ROBO2: variants seen among roughly 807,000 people sequenced by gnomAD.
ROBO2 encodes roundabout homolog 2.
A neutral mutation model predicts 160.8 loss-of-function variants in ROBO2; 53 were observed. That is an observed-to-expected ratio of 0.33 (90% CI 0.26 to 0.41). The LOEUF is 0.41. Among genes scored for constraint, ROBO2 ranks in the 10% least tolerant of loss-of-function variants. The pLI, the probability that ROBO2 is intolerant of heterozygous loss-of-function variation, is 1.00. For synonymous variants in ROBO2, 664 were observed against 611.7 expected (o/e 1.09, Z -1.26); for missense variants, 1,577 against 1,722.4 (o/e 0.92, Z 1.49).
intron 2 of ROBO2, among the ~76,000 whole-genome samples, chr3:76,264,195 C>T (rs1320031952): frequency 6.6e-6 from 1 of 152,062 alleles, no homozygotes; most frequent in Non-Finnish European, 1.5e-5. Flanking sequence ...ATGTAACAAA[C>T]CTTCACGTTC....
intron 2 of ROBO2, among the ~76,000 whole-genome samples, chr3:76,983,616 G>A (rs2060214824): frequency 1.3e-5 from 2 of 152,074 alleles, no homozygotes; most frequent in Admixed American, 1.3e-4. Context: ...CAAGAATACT[G>A]TTTGTTTGGT....
chr3:76,144,660 T>C (rs1284384373), intron 2 of ROBO2, among the ~76,000 whole-genome samples: 1 of 152,108 alleles, frequency 6.6e-6, no homozygotes, highest in Non-Finnish European at 1.5e-5. Context: ...TTTATTGTCA[T>C]ATTTGCAGTT....
intron 2 of ROBO2, among the ~76,000 whole-genome samples, chr3:76,657,985 T>A (rs959028631): frequency 6.7e-6 from 1 of 149,050 alleles, no homozygotes; most frequent in Non-Finnish European, 1.5e-5. Context: ...GAGGATCACT[T>A]GAGCCCAGGG....
At chr3:77,276,600 G>T (rs2059843500) in intron 2 of ROBO2, among the ~76,000 whole-genome samples, 1 of 152,086 alleles carries the variant, frequency 6.6e-6, no homozygotes, top group Admixed American at 6.6e-5. Flanking sequence ...ATTATTCAAA[G>T]GCATAGCCAG....
intron 2 of ROBO2, among the ~76,000 whole-genome samples, chr3:77,314,232 G>A (rs1457559561): frequency 6.6e-6 from 1 of 152,112 alleles, no homozygotes. Flanking sequence ...CAAACATTCG[G>A]CAAGCACCAA....
intron 2 of ROBO2, among the ~76,000 whole-genome samples, chr3:76,720,030 T>C (rs1294270019): frequency 6.6e-6 from 1 of 152,200 alleles, no homozygotes; most frequent in African/African-American, 2.4e-5. Context: ...CCAAATATTC[T>C]TATGTTGAAA....
intron 2 of ROBO2, among the ~76,000 whole-genome samples, chr3:76,444,351 G>C (rs912572311): frequency 6.6e-6 from 1 of 152,070 alleles, no homozygotes; most frequent in Non-Finnish European, 1.5e-5. Flanking sequence ...GTAATCACAA[G>C]ATGTAAAGTA....
chr3:76,013,068 A>G (rs1250616036), intron 2 of ROBO2, among the ~76,000 whole-genome samples: 75 of 137,386 alleles, frequency 5.5e-4, no homozygotes, highest in South Asian at 7.3e-4. Flanking sequence ...TAATCCCAGA[A>G]GCAATATGCA....
chr3:77,509,202 G>T (rs1034310754), intron 5 of ROBO2, among the ~76,000 whole-genome samples: 6 of 151,566 alleles, frequency 4.0e-5, no homozygotes, highest in African/African-American at 1.5e-4. Flanking sequence ...GATGAAGGTT[G>T]CAAGGGAGAA....
At chr3:77,113,865 A>G (rs1362022885) in intron 2 of ROBO2, among the ~76,000 whole-genome samples, 1 of 152,218 alleles carries the variant, frequency 6.6e-6, no homozygotes, top group Non-Finnish European at 1.5e-5. Context: ...CAACCTTTAG[A>G]TGAATCAGGT....
intron 1 of ROBO2, among the ~76,000 whole-genome samples, chr3:77,043,478 T>C (rs2064302961): frequency 6.6e-6 from 1 of 152,178 alleles, no homozygotes; most frequent in Admixed American, 6.6e-5. Context: ...TTATTTATAA[T>C]TTTTCAGTAT....
chr3:77,508,282 T>G (rs1211942775), intron 5 of ROBO2, among the ~76,000 whole-genome samples: 2 of 148,668 alleles, frequency 1.3e-5, no homozygotes, highest in African/African-American at 4.9e-5. Context: ...TGTATTTATA[T>G]AGTATATATA....
At chr3:76,874,439 T>C (rs1380862337) in intron 2 of ROBO2, among the ~76,000 whole-genome samples, 1 of 152,184 alleles carries the variant, frequency 6.6e-6, no homozygotes, top group Non-Finnish European at 1.5e-5. Context: ...CTTTTTAAAC[T>C]ACATAAGAAA....
At chr3:75,982,783 A>G (rs1235583329) in intron 2 of ROBO2, among the ~76,000 whole-genome samples, 2 of 151,380 alleles carry the variant, frequency 1.3e-5, no homozygotes, top group African/African-American at 4.8e-5. Context: ...CAACCTTGCC[A>G]GCAAATCCAA....
chr3:76,240,923 G>T lies in ROBO2; in HGVS notation c.109+303321G>T, dbSNP rs144890007. On this transcript the variant is annotated intron_variant, in intron 2 of 26. Transcript: ENST00000487694. Reference sequence around the variant, plus strand: ...AAGGTACTTCCTCTACATAAAGCAAGAAAATATAGTTTAACATGTAGTAAT... The same window carrying T: ...AAGGTACTTCCTCTACATAAAGCAATAAAATATAGTTTAACATGTAGTAAT... Among the ~76,000 whole-genome samples, 23 of 152,194 alleles carry T rather than the reference G, an allele frequency of 1.5e-4. No individual in the cohort carries two copies. In the East Asian group the frequency reaches 4.2e-3, roughly 28 times the overall value.
At chr3:76,869,085 A>G (rs1039123680) in intron 2 of ROBO2, among the ~76,000 whole-genome samples, 10 of 152,186 alleles carry the variant, frequency 6.6e-5, no homozygotes, top group Middle Eastern at 3.4e-3. Flanking sequence ...ACCAAACCCT[A>G]AGGAATAGAC....
Position 77,430,774 on chromosome 3 carries a change from G to T in ROBO2, c.389-46640G>T, listed in dbSNP as rs1201130062. 3.9e-5 allele frequency among the ~76,000 whole-genome samples: 6 copies of T among 152,068 alleles called. No individual in the cohort carries two copies. The East Asian group carries it at 9.7e-4, about 24-fold the overall frequency. On this transcript the variant is annotated intron_variant, in intron 2 of 25. Coordinates refer to ENST00000461745, the Ensembl canonical transcript of ROBO2. The stretch of plus-strand genomic sequence containing the variant: ...AATAAATTTCTGTTATTAATAAATT[G>T]CCCAGTGTAAGGTATTTTAGTTATA...
chr3:76,382,551 C>A (rs1054326052), intron 2 of ROBO2, among the ~76,000 whole-genome samples: 3 of 152,344 alleles, frequency 2.0e-5, no homozygotes, highest in African/African-American at 7.2e-5. Flanking sequence ...CGCGCCCCTG[C>A]ACTCCAGCCT....
At chr3:77,617,856 T>G (rs1193776294) in intron 22 of ROBO2, 83 bp downstream of exon 23, 1 of 1,421,682 alleles carries the variant, frequency 7.0e-7, no homozygotes, top group Non-Finnish European at 9.8e-7. Flanking sequence ...GAGATTCTGA[T>G]AGAACTACAC....
Sources: gnomAD v4.1 joint callset for allele counts (sites outside exome capture counted in the v4.1 genomes callset) on GRCh38, gnomAD v4.1.1 for gene constraint, MANE v1.5 for transcripts, NCBI Gene and HGNC (gene_info 2026-07-23, HGNC 2026-07-21) for gene names.